PPP1R2: variants seen among roughly 807,000 people sequenced by gnomAD.
The protein encoded by PPP1R2 is protein phosphatase 1 regulatory inhibitor subunit 2.
In PPP1R2, 16 loss-of-function variants were observed where a neutral mutation model predicts 29.9. The ratio of observed to expected loss-of-function variants is 0.53; its 90% CI spans 0.36 to 0.81. PPP1R2 has a LOEUF of 0.81. Ranked by LOEUF, PPP1R2 falls within the 30% of genes least tolerant of loss-of-function variation. The probability of loss-of-function intolerance (pLI) is 0.00; values close to 1 mark genes in which losing one functional copy is unlikely to be tolerated. For missense variants in PPP1R2, 197 were observed against 252.7 expected (o/e 0.78, Z 1.49); for synonymous variants, 76 against 91.5 (o/e 0.83, Z 0.96).
In PPP1R2 at chr3:195,519,359, T is replaced by C. The variant is rs557646148; in HGVS notation, c.404-174A>G. 7 of 467,084 alleles carry C rather than the reference T, an allele frequency of 1.5e-5. No homozygotes were observed. The South Asian group carries it at 3.5e-4, about 23-fold the overall frequency. 28.9% of individuals were successfully genotyped at this position (467,084 alleles called of 1,614,324 possible). On this transcript the variant is annotated intron_variant, in intron 4 of 5. Coordinates refer to ENST00000618156, the MANE Select transcript of PPP1R2 (RefSeq NM_006241.8). ...GTTCGTAATAGAGACCACTGGGCCCTGCAAAATTTAAAATATTTACTATCT... is the reference window on the plus strand; with the variant it reads ...GTTCGTAATAGAGACCACTGGGCCCCGCAAAATTTAAAATATTTACTATCT...
chr3:195,542,843 T>G, intron 1 of PPP1R2, 61 bp downstream of exon 1: 1 of 1,528,830 alleles, frequency 6.5e-7, no homozygotes, highest in South Asian at 1.2e-5. Flanking sequence ...CCCTGGGGTC[T>G]GGGTAGGTAA....
rs1322169178 is a variant in PPP1R2 at position 195,516,830 on chromosome 3, G to A, written c.*66C>T. The A allele has an allele frequency of 3.6e-6, 5 of 1,392,160 alleles. No individual in the cohort carries two copies. The highest frequency in any genetic ancestry group is 5.1e-6 in the Non-Finnish European group (5 of 985,188). 86.2% of individuals were successfully genotyped at this position (1,392,160 alleles called of 1,614,324 possible). A position where few individuals can be genotyped will look rare whatever the true frequency, so the allele number is the denominator to read the frequency against. ...TTAAGTCATGAATTGTGAAGAACAA[G>A]AAGCAACGTACTATAGTCACAGGGT... is the stretch of plus-strand genomic sequence containing the variant. On this transcript the variant is annotated 3_prime_UTR_variant, in exon 6 of 6. Coordinates refer to ENST00000618156, the MANE Select transcript of PPP1R2 (RefSeq NM_006241.8).
chr3:195,523,478 G>C (rs1425057852), intron 4 of PPP1R2, among the ~76,000 whole-genome samples: 1 of 152,196 alleles, frequency 6.6e-6, no homozygotes, highest in East Asian at 1.9e-4. Flanking sequence ...TTACTTTAAA[G>C]ATGGTAATAC....
intron 2 of PPP1R2, among the ~76,000 whole-genome samples, chr3:195,526,887 T>C (rs1718992097): frequency 1.3e-5 from 2 of 152,136 alleles, no homozygotes; most frequent in Admixed American, 1.3e-4. Flanking sequence ...GTTCAAGTGA[T>C]TCTCCTGCCT....
In PPP1R2 at chr3:195,543,182, T is replaced by G; in HGVS notation, c.-157A>C. The G allele has an allele frequency of 9.5e-7, 1 of 1,057,236 alleles. No individual in the cohort carries two copies. Among genetic ancestry groups the G allele is most frequent in the Non-Finnish European group, 1.3e-6 (1 of 767,818 alleles). The allele number at this position is 1,057,236 out of a possible 1,614,324, so 65.5% of individuals were successfully genotyped here. On this transcript the variant is annotated 5_prime_UTR_variant, in exon 1 of 6. Coordinates refer to ENST00000618156, the MANE Select transcript of PPP1R2 (RefSeq NM_006241.8). ...TCGGAAACGGCTACCGCAGCGGTTG[T>G]CACGACACAACGACCCCGACGCCAG...
At position 195,543,020 on chromosome 3, in the gene PPP1R2, C is replaced by T. The variant is rs771387892; in HGVS notation, c.6G>A (p.Ala2=). The part of the protein sequence containing the change: M[A]ASTASHRPIK... ...TGGGCCGGTGCGAGGCCGTCGAGGC[C>T]GCCATTGCCGGGCGCTCCGGCTGTC... Residue 2 remains alanine (A), a synonymous_variant, in exon 1 of 6, where the codon GCG becomes GCA. Coordinates refer to ENST00000618156, the MANE Select transcript of PPP1R2 (RefSeq NM_006241.8). The T allele has an allele frequency of 6.3e-7, 1 of 1,599,788 alleles. No homozygotes were observed. Among genetic ancestry groups the T allele is most frequent in the Non-Finnish European group, 8.5e-7 (1 of 1,173,910 alleles).
intron 2 of PPP1R2, 132 bp downstream of exon 2, chr3:195,529,662 G>T: frequency 1.7e-6 from 1 of 597,676 alleles, no homozygotes; most frequent in Non-Finnish European, 2.8e-6. Context: ...TTGCAGTTAG[G>T]TTACTGACTT....
At chr3:195,534,924 T>C (rs1237771819) in intron 1 of PPP1R2, among the ~76,000 whole-genome samples, 1 of 152,176 alleles carries the variant, frequency 6.6e-6, no homozygotes, top group Non-Finnish European at 1.5e-5. Flanking sequence ...ATGAACCCTA[T>C]GAGTTCAACC....
intron 4 of PPP1R2, among the ~76,000 whole-genome samples, chr3:195,521,090 CGGATCATGAGGTCA>C (rs1354573087): frequency 1.3e-5 from 2 of 151,342 alleles, no homozygotes; most frequent in Non-Finnish European, 2.9e-5. Flanking sequence ...CCGAGGAGGG[CGGATCATGAGGTCA>C]GGAGTTTGAG....
At chr3:195,518,193 T>C (rs868123549) in intron 5 of PPP1R2, among the ~76,000 whole-genome samples, 2 of 151,792 alleles carry the variant, frequency 1.3e-5, no homozygotes, top group Non-Finnish European at 2.9e-5. Flanking sequence ...CTATGACAGA[T>C]CAGGAGTTGC....
At chr3:195,540,805 C>G (rs760668873) in intron 1 of PPP1R2, among the ~76,000 whole-genome samples, 2 of 152,112 alleles carry the variant, frequency 1.3e-5, no homozygotes, top group Non-Finnish European at 2.9e-5. Flanking sequence ...CCTTAAGACC[C>G]TGGACTTCCA....
intron 5 of PPP1R2, among the ~76,000 whole-genome samples, chr3:195,517,866 T>C (rs945216947): frequency 6.6e-6 from 1 of 152,156 alleles, no homozygotes; most frequent in African/African-American, 2.4e-5. Context: ...GACTAAAAGG[T>C]TGAAGCATAT....
In PPP1R2 at chr3:195,543,272, C is replaced by T. The variant is rs1424543351; in HGVS notation, c.-247G>A. On this transcript the variant is annotated 5_prime_UTR_variant, in exon 1 of 6. Transcript: ENST00000618156. ...AGCCACTGGCACTTGACCCGCGGCTCGCGGAGAGACGCCGGCCTAGAGCTC... is the reference window on the plus strand; with the variant it reads ...AGCCACTGGCACTTGACCCGCGGCTTGCGGAGAGACGCCGGCCTAGAGCTC... 1 of 381,964 alleles carries T rather than the reference C, an allele frequency of 2.6e-6. No homozygotes were observed. Among genetic ancestry groups the T allele is most frequent in the Non-Finnish European group, 4.6e-6 (1 of 216,048 alleles). 23.7% of individuals were successfully genotyped at this position (381,964 alleles called of 1,614,324 possible).
In PPP1R2 at chr3:195,516,144, AT is replaced by A. The variant is rs1718537952; in HGVS notation, c.*751del. 1 of 152,544 alleles carries A rather than the reference AT, an allele frequency of 6.6e-6. No homozygotes were observed. The highest frequency in any genetic ancestry group is 6.6e-5 in the Admixed American group (1 of 15,260). The allele number at this position is 152,544 out of a possible 1,614,324, so 9.4% of individuals were successfully genotyped here. On this transcript the variant is annotated 3_prime_UTR_variant, in exon 6 of 6. Transcript: ENST00000618156. Reference sequence around the variant, plus strand: ...GCGAGATAGCTACATTAGAATATTTATTTTTTTAAAAAACTGCTCTGAAGTC... The same window carrying A: ...GCGAGATAGCTACATTAGAATATTTATTTTTTAAAAAACTGCTCTGAAGTC...
intron 4 of PPP1R2, among the ~76,000 whole-genome samples, chr3:195,522,820 G>T (rs1295995731): frequency 6.6e-6 from 1 of 152,152 alleles, no homozygotes; most frequent in African/African-American, 2.4e-5. Context: ...AAGTTTCTCA[G>T]CTTCTTCACG....
chr3:195,523,278 T>C (rs527432190), intron 4 of PPP1R2: 55 of 201,652 alleles, frequency 2.7e-4, no homozygotes, highest in African/African-American at 1.2e-3. Context: ...CATCTGATCA[T>C]CTTGGTTCAT....
intron 1 of PPP1R2, among the ~76,000 whole-genome samples, chr3:195,539,335 T>C (rs934811076): frequency 6.6e-6 from 1 of 152,210 alleles, no homozygotes; most frequent in African/African-American, 2.4e-5. Context: ...TATACTTAGT[T>C]ATGTGGATTT....
At chr3:195,542,806 C>A in intron 1 of PPP1R2, 98 bp downstream of exon 1, 1 of 1,395,536 alleles carries the variant, frequency 7.2e-7, no homozygotes, top group South Asian at 1.5e-5. Context: ...GAGCGGCACC[C>A]GAGCCGCATC....
chr3:195,530,734 C>T (rs1719147910), intron 1 of PPP1R2, among the ~76,000 whole-genome samples: 1 of 152,120 alleles, frequency 6.6e-6, no homozygotes, highest in Non-Finnish European at 1.5e-5. Context: ...CCATGTTGGC[C>T]AGGCTGGTCT....
Sources: allele counts gnomAD v4.1 joint callset (sites outside exome capture counted in the v4.1 genomes callset), GRCh38; gene constraint gnomAD v4.1.1; transcripts MANE v1.5; gene names NCBI Gene and HGNC (gene_info 2026-07-23, HGNC 2026-07-21).